Variants in ZNF521 observed in about 807,000 individuals in gnomAD.
ZNF521 encodes the protein zinc finger protein 521, also known as LYST-interacting protein 3.
In ZNF521, 14 loss-of-function variants were observed where a neutral mutation model predicts 105.5. That is an observed-to-expected ratio of 0.13 (90% CI 0.09 to 0.21). The LOEUF (loss-of-function observed/expected upper bound fraction) is 0.21. Among genes scored for constraint, ZNF521 ranks in the 10% least tolerant of loss-of-function variants. The pLI is 1.00. For missense variants in ZNF521, 1,233 were observed against 1,629.7 expected (o/e 0.76, Z 4.19); for synonymous variants, 635 against 606.0 (o/e 1.05, Z -0.70).
chr18:25,147,789 C>T (rs994616731), intron 5 of ZNF521, among the ~76,000 whole-genome samples: 1 of 152,148 alleles, frequency 6.6e-6, no homozygotes, highest in Non-Finnish European at 1.5e-5. Context: ...TCAGATAACA[C>T]TCTGTTTATA....
chr18:25,187,036 G>A (rs1345338577), intron 5 of ZNF521, among the ~76,000 whole-genome samples: 1 of 152,036 alleles, frequency 6.6e-6, no homozygotes, highest in Non-Finnish European at 1.5e-5. Context: ...TCTCACAGGC[G>A]TTTTATTAGT....
chr18:25,298,027 A>G (rs1911421619), intron 3 of ZNF521, among the ~76,000 whole-genome samples: 1 of 152,188 alleles, frequency 6.6e-6, no homozygotes, highest in Non-Finnish European at 1.5e-5. Context: ...CACGCAACAT[A>G]TTCAATTATT....
chr18:25,234,066 G>A (rs1432414256), intron 3 of ZNF521, among the ~76,000 whole-genome samples: 2 of 152,166 alleles, frequency 1.3e-5, no homozygotes, highest in African/African-American at 2.4e-5. Context: ...TCAAGACATT[G>A]TGTTTCTGAA....
chr18:25,224,370 C>G lies in ZNF521; in HGVS notation c.3548G>C (p.Arg1183Thr). 6.2e-7 allele frequency: 1 copy of G among 1,612,762 alleles called. No individual in the cohort carries two copies. The highest frequency in any genetic ancestry group is 8.5e-7 in the Non-Finnish European group (1 of 1,179,248). The change falls in exon 4 of 8, where the codon AGA becomes ACA. Residue 1183 changes from arginine to threonine, a missense_variant. Physicochemically the swap from Arg to Thr is moderately conservative, Grantham distance 71 (BLOSUM62 -1). Coordinates refer to ENST00000361524, the MANE Select transcript of ZNF521 (RefSeq NM_015461.3). ...CTCATCCGACTGGGAGGGACTGATTCTGGGCATTGGTGATACTTGGGGCGT... is the reference window on the plus strand; with the variant it reads ...CTCATCCGACTGGGAGGGACTGATTGTGGGCATTGGTGATACTTGGGGCGT... ...LKTPQVSPMP[R>T]ISPSQSDEKK... is the part of the protein sequence containing the mutation.
chr18:25,066,051 A>G (rs1338262279), intron 7 of ZNF521, among the ~76,000 whole-genome samples: 2 of 152,214 alleles, frequency 1.3e-5, no homozygotes, highest in Non-Finnish European at 2.9e-5. Flanking sequence ...AGTAATATCA[A>G]CCTAAGAAAT....
intron 2 of ZNF521, among the ~76,000 whole-genome samples, chr18:25,326,606 T>G (rs1913237771): frequency 6.6e-6 from 1 of 152,214 alleles, no homozygotes. Context: ...ATACAAAGTA[T>G]TACTATAAAA....
At chr18:25,329,366 A>T (rs1288693172) in intron 2 of ZNF521, among the ~76,000 whole-genome samples, 3 of 152,206 alleles carry the variant, frequency 2.0e-5, no homozygotes, top group Non-Finnish European at 4.4e-5. Flanking sequence ...GAGAAAGAGA[A>T]GAGTAAGTCA....
chr18:25,110,432 G>A (rs1352007108), intron 5 of ZNF521, among the ~76,000 whole-genome samples: 1 of 123,188 alleles, frequency 8.1e-6, no homozygotes, highest in Non-Finnish European at 1.9e-5. Flanking sequence ...ATGAATGGAA[G>A]GCAGGAGACC....
At position 25,227,531 on chromosome 18, in the gene ZNF521, G is replaced by A. The variant is rs756126840; in HGVS notation, c.387C>T (p.Arg129=). The change falls in exon 4 of 8, where the codon CGC becomes CGT. Residue 129 remains arginine (R), a synonymous_variant. Coordinates refer to ENST00000361524, the MANE Select transcript of ZNF521 (RefSeq NM_015461.3). The surrounding 1 kb of genome is among the most constrained non-coding windows in gnomAD (Gnocchi z 5.7). ...GCTCATGGTGCTTTAGGTAGCTGAG[G>A]CGGCTAAACGACTTGTCACAGAATT... ...PCQFCDKSFS[R]LSYLKHHEQS... 3.5e-5 allele frequency: 56 copies of A among 1,614,002 alleles called. No homozygotes were observed. Among genetic ancestry groups the A allele is most frequent in the East Asian group, 1.6e-4 (7 of 44,890 alleles).
intron 7 of ZNF521, among the ~76,000 whole-genome samples, chr18:25,074,127 C>T (rs956563682): frequency 1.9e-4 from 29 of 152,142 alleles, no homozygotes; most frequent in African/African-American, 4.1e-4. Flanking sequence ...TCCATTTCCA[C>T]GCCTAAGCGA....
chr18:25,136,455 G>A (rs1023014286), intron 5 of ZNF521, among the ~76,000 whole-genome samples: 2 of 152,140 alleles, frequency 1.3e-5, no homozygotes, highest in African/African-American at 4.8e-5. Flanking sequence ...GTGCTGCTCT[G>A]AGCTCTTTGC....
chr18:25,327,515 G>C, intron 2 of ZNF521: 1 of 826,162 alleles, frequency 1.2e-6, no homozygotes, highest in Non-Finnish European at 1.7e-6. Flanking sequence ...TCCCCTACAA[G>C]TATGTTCAAA....
At chr18:25,325,105 T>C (rs551359799) in intron 2 of ZNF521, among the ~76,000 whole-genome samples, 2 of 152,322 alleles carry the variant, frequency 1.3e-5, no homozygotes, top group East Asian at 1.9e-4. Context: ...GGTTCGATTA[T>C]AGCCTATGAT....
chr18:25,335,367 T>TAA (rs1913813959), intron 2 of ZNF521, among the ~76,000 whole-genome samples: 1 of 151,974 alleles, frequency 6.6e-6, no homozygotes, highest in Admixed American at 6.6e-5. Flanking sequence ...ATCTCTAGGG[T>TAA]CTTCCCTGCT....
intron 4 of ZNF521, among the ~76,000 whole-genome samples, chr18:25,211,201 A>C (rs1168819424): frequency 1.3e-5 from 2 of 152,206 alleles, no homozygotes; most frequent in Non-Finnish European, 2.9e-5. Context: ...TCAGGCTCAG[A>C]GCCTTTTGTG....
At chr18:25,140,128 G>A (rs1600084206) in intron 5 of ZNF521, among the ~76,000 whole-genome samples, 1 of 152,086 alleles carries the variant, frequency 6.6e-6, no homozygotes, top group Admixed American at 6.6e-5. Flanking sequence ...AGGAGACCAT[G>A]GTATCAACTC....
intron 7 of ZNF521, among the ~76,000 whole-genome samples, chr18:25,068,331 T>C (rs2033124497): frequency 1.3e-5 from 2 of 152,206 alleles, no homozygotes; most frequent in Admixed American, 6.5e-5. Flanking sequence ...CTAATTATAT[T>C]ACCCTTCCTT....
chr18:25,187,940 G>A (rs1005503468), intron 5 of ZNF521, among the ~76,000 whole-genome samples: 4 of 152,134 alleles, frequency 2.6e-5, no homozygotes, highest in African/African-American at 9.7e-5. Flanking sequence ...GCAACAAAAC[G>A]AGGCATTTTT....
intron 7 of ZNF521, among the ~76,000 whole-genome samples, chr18:25,072,630 A>G (rs78855584): frequency 3.0e-4 from 46 of 152,324 alleles, no homozygotes; most frequent in Non-Finnish European, 5.4e-4. Context: ...AAAGAAAACA[A>G]TGAATTGAGC....
Sources: gnomAD v4.1 joint callset for allele counts (sites outside exome capture counted in the v4.1 genomes callset) on GRCh38, gnomAD v4.1.1 for gene constraint, Gnocchi (gnomAD v3.1) non-coding constraint, MANE v1.5 for transcripts, NCBI Gene and HGNC (gene_info 2026-07-23, HGNC 2026-07-21) for gene names.